Variants in LPP observed in about 807,000 individuals in gnomAD.
The protein encoded by LPP is LIM domain containing preferred translocation partner in lipoma, also known as lipoma-preferred partner.
LPP carries 38 observed loss-of-function variants against 60.4 expected under a neutral mutation model. That is an observed-to-expected ratio of 0.63 (90% CI 0.49 to 0.83). LPP has a LOEUF of 0.83. Ranked by LOEUF, LPP falls within the 40% of genes least tolerant of loss-of-function variation. LPP has a pLI of 0.00. For synonymous variants in LPP, 328 were observed against 290.8 expected, an observed-to-expected ratio of 1.13 and a Z score of -1.30; for missense variants, 902 against 783.6, an observed-to-expected ratio of 1.15 and a Z score of -1.80.
intron 7 of LPP, among the ~76,000 whole-genome samples, chr3:188,696,623 C>T (rs527699966): frequency 1.5e-4 from 23 of 152,210 alleles, no homozygotes; most frequent in Non-Finnish European, 3.4e-4. Context: ...TCTATTTACC[C>T]CATTTTATTT....
chr3:188,619,699 T>G (rs1463519444), intron 7 of LPP, among the ~76,000 whole-genome samples: 1 of 152,240 alleles, frequency 6.6e-6, no homozygotes, highest in African/African-American at 2.4e-5. Flanking sequence ...AAAACATTGT[T>G]GACTGCTGGT....
chr3:188,772,768 T>C (rs1736487770), intron 9 of LPP, among the ~76,000 whole-genome samples: 1 of 152,096 alleles, frequency 6.6e-6, no homozygotes, highest in African/African-American at 2.4e-5. Context: ...TTTTCTGTAG[T>C]GCTTATCATA....
intron 5 of LPP, among the ~76,000 whole-genome samples, chr3:188,514,741 G>A (rs184240675): frequency 5.3e-5 from 8 of 152,194 alleles, no homozygotes; most frequent in Non-Finnish European, 8.8e-5. Flanking sequence ...CGTGCCTGGC[G>A]GCAGTTTTGT....
At chr3:188,753,300 T>C (rs62291335) in intron 8 of LPP, among the ~76,000 whole-genome samples, 9 of 152,172 alleles carry the variant, frequency 5.9e-5, no homozygotes, top group African/African-American at 2.2e-4. Flanking sequence ...TTTTTGTTAG[T>C]TTCCTTCACA....
At chr3:188,567,448 C>A (rs1474010082) in intron 6 of LPP, among the ~76,000 whole-genome samples, 1 of 151,648 alleles carries the variant, frequency 6.6e-6, no homozygotes, top group Non-Finnish European at 1.5e-5. Flanking sequence ...ACCATTGTAA[C>A]ACATATTAAG....
chr3:188,631,544 C>T (rs1353238050), intron 7 of LPP, among the ~76,000 whole-genome samples: 2 of 152,150 alleles, frequency 1.3e-5, no homozygotes, highest in Non-Finnish European at 2.9e-5. Flanking sequence ...TTTGCATCAT[C>T]GAAAACCAAG....
chr3:188,241,835 A>G (rs2149474148), intron 2 of LPP, among the ~76,000 whole-genome samples: 1 of 152,274 alleles, frequency 6.6e-6, no homozygotes, highest in East Asian at 1.9e-4. Flanking sequence ...TTCAAAGAGT[A>G]ATGGTGGGGA....
At chr3:188,491,088 A>G (rs1183099808) in intron 5 of LPP, among the ~76,000 whole-genome samples, 2 of 152,142 alleles carry the variant, frequency 1.3e-5, no homozygotes, top group African/African-American at 2.4e-5. Context: ...TTGTGATTCC[A>G]TGTAGGACTA....
intron 2 of LPP, among the ~76,000 whole-genome samples, chr3:188,285,023 G>GA (rs1029324631): frequency 1.5e-4 from 22 of 149,564 alleles, no homozygotes; most frequent in South Asian, 1.3e-3. Flanking sequence ...AGCAAGTGAA[G>GA]AAAAAAAAAA....
At chr3:188,415,232 C>T (rs1057231628) in intron 4 of LPP, among the ~76,000 whole-genome samples, 1 of 151,894 alleles carries the variant, frequency 6.6e-6, no homozygotes, top group Non-Finnish European at 1.5e-5. Flanking sequence ...AACAGAGAGC[C>T]ACAAAGAGAT....
At chr3:188,802,715 T>G (rs1335900117) in intron 9 of LPP, among the ~76,000 whole-genome samples, 1 of 151,510 alleles carries the variant, frequency 6.6e-6, no homozygotes, top group Non-Finnish European at 1.5e-5. Flanking sequence ...ACCCGGGAGG[T>G]GGAAGTTGCA....
chr3:188,561,951 C>T (rs557199441), intron 6 of LPP, among the ~76,000 whole-genome samples: 2 of 152,050 alleles, frequency 1.3e-5, no homozygotes, highest in East Asian at 1.9e-4. Context: ...GAATTTGCAG[C>T]GCATGGACTT....
At chr3:188,636,193 G>A (rs969924221) in intron 7 of LPP, among the ~76,000 whole-genome samples, 1 of 152,174 alleles carries the variant, frequency 6.6e-6, no homozygotes, top group Admixed American at 6.5e-5. Flanking sequence ...AGGTCAGTGG[G>A]TGCGCGCACC....
intron 6 of LPP, among the ~76,000 whole-genome samples, chr3:188,550,577 C>CAAAAAAAAA (rs67052080): frequency 1.8e-4 from 12 of 66,902 alleles, no homozygotes; most frequent in African/African-American, 6.4e-4. Context: ...GACTCCATCT[C>CAAAAAAAAA]AAAAAAAAAA....
At chr3:188,244,415 C>A (rs778898448) in intron 2 of LPP, among the ~76,000 whole-genome samples, 3 of 152,174 alleles carry the variant, frequency 2.0e-5, no homozygotes, top group Non-Finnish European at 4.4e-5. Flanking sequence ...AGTGGTCCAA[C>A]TTGGGTTCTG....
intron 2 of LPP, among the ~76,000 whole-genome samples, chr3:188,332,521 C>CTCAT (rs536012360): frequency 4.3e-4 from 65 of 152,284 alleles, no homozygotes; most frequent in African/African-American, 1.4e-3. Context: ...TGTTCATTTG[C>CTCAT]TCATTCATTC....
intron 7 of LPP, among the ~76,000 whole-genome samples, chr3:188,647,178 C>T (rs913144959): frequency 2.6e-5 from 4 of 152,230 alleles, no homozygotes; most frequent in African/African-American, 9.6e-5. Flanking sequence ...TGGAGGTGAA[C>T]ACACTGCATT....
intron 4 of LPP, among the ~76,000 whole-genome samples, chr3:188,473,170 G>A (rs1008096278): frequency 2.0e-5 from 3 of 151,984 alleles, no homozygotes; most frequent in Admixed American, 6.6e-5. Context: ...CCTAGAGAAC[G>A]GTTGAAAATA....
chr3:188,269,782 C>T (rs1328753503), intron 2 of LPP, among the ~76,000 whole-genome samples: 2 of 151,904 alleles, frequency 1.3e-5, no homozygotes, highest in Non-Finnish European at 2.9e-5. Flanking sequence ...TTCCCAGTAG[C>T]TGGTACTACA....
Sources: gnomAD v4.1 joint callset for allele counts (sites outside exome capture counted in the v4.1 genomes callset) on GRCh38, gnomAD v4.1.1 for gene constraint, MANE v1.5 for transcripts, NCBI Gene and HGNC (gene_info 2026-07-23, HGNC 2026-07-21) for gene names.